Variants in SLC2A7 observed in about 807,000 individuals in gnomAD.
The protein encoded by SLC2A7 is solute carrier family 2, facilitated glucose transporter member 7.
Under a neutral mutation model 50.5 loss-of-function variants are expected in SLC2A7, and 50 were observed. The ratio of observed to expected loss-of-function variants is 0.99; its 90% CI spans 0.79 to 1.25. The LOEUF (loss-of-function observed/expected upper bound fraction) is 1.25. SLC2A7 is among the 50% of genes most tolerant of loss of function. SLC2A7 has a pLI of 0.00. For synonymous variants in SLC2A7, 308 were observed against 300.4 expected, an observed-to-expected ratio of 1.03 and a Z score of -0.26; for missense variants, 683 against 679.1, an observed-to-expected ratio of 1.01 and a Z score of -0.06.
chr1:9,009,376 A>G (rs956821639), intron 9 of SLC2A7, among the ~76,000 whole-genome samples: 2 of 152,192 alleles, frequency 1.3e-5, no homozygotes, highest in African/African-American at 4.8e-5. Context: ...ACAGGCTGAG[A>G]ACACTGCAAA....
chr1:9,010,254 A>G lies in SLC2A7; in HGVS notation c.1015-10T>C. The G allele has an allele frequency of 1.3e-6, 2 of 1,549,862 alleles. No individual in the cohort carries two copies. The highest frequency in any genetic ancestry group is 4.9e-5 in the East Asian group (2 of 40,908). The stretch of plus-strand genomic sequence containing the variant: ...GCTCCACAAGGACAGCCTGGAGGGG[A>G]AGGGGGACAGTGAGAAGCCGCCTTG... On this transcript the variant is annotated splice_polypyrimidine_tract_variant and intron_variant, in intron 8 of 11. Coordinates refer to ENST00000400906, the MANE Select transcript of SLC2A7 (RefSeq NM_207420.3).
intron 3 of SLC2A7, among the ~76,000 whole-genome samples, chr1:9,019,575 T>G (rs1640883394): frequency 6.6e-6 from 1 of 152,142 alleles, no homozygotes; most frequent in African/African-American, 2.4e-5. Flanking sequence ...TGTGGGGCCC[T>G]CACGATGGGA....
At chr1:8,994,978 C>T in the SLC2A7 span, among the ~76,000 whole-genome samples, 39 of 151,452 alleles carry the variant, frequency 2.6e-4, no homozygotes, top group African/African-American at 9.2e-4. Flanking sequence ...ACCATGTTGC[C>T]CAGGCTGGTC....
In SLC2A7 at chr1:9,010,179, A is replaced by G. The variant is rs1640725046; in HGVS notation, c.1080T>C (p.Ser360=). The G allele has an allele frequency of 1.3e-6, 2 of 1,550,742 alleles. No individual in the cohort carries two copies. The highest frequency in any genetic ancestry group is 2.7e-5 in the African/African-American group (2 of 73,044). The change falls in exon 9 of 12, where the codon TCT becomes TCC. Residue 360 remains serine (S), a synonymous_variant. Transcript: ENST00000400906. ...LLLAGYGICG[S]ACLVLTVVLL... The stretch of plus-strand genomic sequence containing the variant: ...GCACCACCGTCAGCACCAGGCAGGC[A>G]GAGCCGCAGATGCCGTAGCCGGCCA...
chr1:9,007,199 G>T, intron 10 of SLC2A7, 111 bp downstream of exon 10: 1 of 1,236,574 alleles, frequency 8.1e-7, no homozygotes, highest in Non-Finnish European at 1.2e-6. Context: ...GCGTGAGCAC[G>T]GGGACCAAGG....
At chr1:8,996,330 T>C in the SLC2A7 span, among the ~76,000 whole-genome samples, 1 of 152,250 alleles carries the variant, frequency 6.6e-6, no homozygotes, top group Non-Finnish European at 1.5e-5. Context: ...TTGAGATTCA[T>C]GCAGATTGCA....
rs559476677 is a variant in SLC2A7 at position 9,003,012 on chromosome 1, T to C, written c.*288A>G. Among the ~76,000 whole-genome samples the C allele has an allele frequency of 6.6e-6, 1 of 152,394 alleles. No homozygotes were observed. The highest frequency in any genetic ancestry group is 1.5e-5 in the Non-Finnish European group (1 of 68,034). ...AAGTTTTACTTTAAAAAAGTGCATC[T>C]ATACATCATTTAAATTTTGGTGCCA... On this transcript the variant is annotated 3_prime_UTR_variant, in exon 12 of 12. Coordinates refer to ENST00000400906, the MANE Select transcript of SLC2A7 (RefSeq NM_207420.3).
In SLC2A7 at chr1:9,026,367, G is replaced by T. The variant is rs781574352; in HGVS notation, c.-22C>A. On this transcript the variant is annotated 5_prime_UTR_variant, in exon 1 of 12. In the 5' UTR this introduces an upstream ATG that the reference lacks. Transcript: ENST00000400906. ...CCATCCTTGTTCAGGTGGGAGAACAGGTGTGCTCTACCTCCCAAGTGACAC... is the reference window on the plus strand; with the variant it reads ...CCATCCTTGTTCAGGTGGGAGAACATGTGTGCTCTACCTCCCAAGTGACAC... 1.9e-6 allele frequency: 3 copies of T among 1,592,042 alleles called. No individual in the cohort carries two copies. In the African/African-American group the frequency reaches 4.0e-5, roughly 21 times the overall value.
rs899508191 is a variant in SLC2A7 at position 9,026,350 on chromosome 1, G to A, written c.-5C>T. ...TCCCGCCTCTTTGTTCTCCATCCTTGTTCAGGTGGGAGAACAGGTGTGCTC... is the reference window on the plus strand; with the variant it reads ...TCCCGCCTCTTTGTTCTCCATCCTTATTCAGGTGGGAGAACAGGTGTGCTC... On this transcript the variant is annotated 5_prime_UTR_variant, in exon 1 of 12. Transcript: ENST00000400906. 3 of 1,603,542 alleles carry A rather than the reference G, an allele frequency of 1.9e-6. No individual in the cohort carries two copies. The highest frequency in any genetic ancestry group is 3.4e-5 in the Admixed American group (2 of 58,780).
rs945095531 is a variant in SLC2A7, at chr1:9,010,219, C to T, written c.1040G>A (p.Arg347Gln). 14 of 1,550,884 alleles carry T rather than the reference C, an allele frequency of 9.0e-6. No homozygotes were observed. The East Asian group carries it at 1.5e-4, about 16-fold the overall frequency. ...TSAVLVERLG[R>Q]RHLLLAGYGI... is the part of the protein sequence containing the mutation. Reference sequence around the variant, plus strand: ...GTAGCCGGCCAGCAGGAGGTGCCGCCGTCCCAGCCGCTCCACAAGGACAGC... The same window carrying T: ...GTAGCCGGCCAGCAGGAGGTGCCGCTGTCCCAGCCGCTCCACAAGGACAGC... The change falls in exon 9 of 12, where the codon CGG becomes CAG. Residue 347 changes from arginine (R) to glutamine (Q), a missense_variant. By Grantham distance (43) the Arg-to-Gln change is conservative (BLOSUM62 1). Transcript: ENST00000400906.
At chr1:9,015,032 G>T in intron 6 of SLC2A7, 85 bp downstream of exon 6, 1 of 1,568,146 alleles carries the variant, frequency 6.4e-7, no homozygotes, top group South Asian at 1.2e-5. Flanking sequence ...CCTGACCCAT[G>T]GCGACCCTGA....
chr1:9,019,484 T>C, intron 3 of SLC2A7, 151 bp from the exon 4 acceptor site: 2 of 1,147,072 alleles, frequency 1.7e-6, no homozygotes, highest in South Asian at 1.6e-5. Flanking sequence ...CTGAATGGTG[T>C]CCCCCAAATT....
At chr1:9,006,717 G>A (rs775604853) in intron 10 of SLC2A7, among the ~76,000 whole-genome samples, 1 of 152,226 alleles carries the variant, frequency 6.6e-6, no homozygotes, top group Non-Finnish European at 1.5e-5. Context: ...TTCAGGGAAT[G>A]TTATTAGAGT....
chr1:8,995,280 C>G, the SLC2A7 span, among the ~76,000 whole-genome samples: 1 of 151,366 alleles, frequency 6.6e-6, no homozygotes, highest in Non-Finnish European at 1.5e-5. Flanking sequence ...AACCCCGTCT[C>G]TACTAAAAAC....
At chr1:9,024,165 A>G (rs1462594328) in intron 2 of SLC2A7, among the ~76,000 whole-genome samples, 1 of 152,150 alleles carries the variant, frequency 6.6e-6, no homozygotes, top group Non-Finnish European at 1.5e-5. Flanking sequence ...CTCCCAGCCC[A>G]GGAAATATTT....
chr1:9,019,623 C>T (rs1388344555), intron 3 of SLC2A7, among the ~76,000 whole-genome samples: 2 of 152,076 alleles, frequency 1.3e-5, no homozygotes, highest in East Asian at 3.9e-4. Flanking sequence ...TCTTTTTCTG[C>T]CCCGTGAAGA....
downstream of SLC2A7, among the ~76,000 whole-genome samples, chr1:8,998,704 G>A (rs1640539302): frequency 6.6e-6 from 1 of 152,032 alleles, no homozygotes; most frequent in Admixed American, 6.6e-5. Context: ...AAAACAGCCT[G>A]CTGGAATTTT....
intron 8 of SLC2A7, among the ~76,000 whole-genome samples, chr1:9,011,816 C>A (rs765750780): frequency 1.4e-5 from 2 of 147,870 alleles, no homozygotes; most frequent in Admixed American, 6.8e-5. Flanking sequence ...GTGGTGCAAC[C>A]GTGGCTCACT....
the SLC2A7 span, among the ~76,000 whole-genome samples, chr1:8,993,731 G>A: frequency 4.1e-4 from 63 of 152,292 alleles, no homozygotes; most frequent in East Asian, 8.3e-3. Flanking sequence ...AGGTTCAAGC[G>A]ATTCGCCTGC....
Sources: allele counts gnomAD v4.1 joint callset (sites outside exome capture counted in the v4.1 genomes callset), GRCh38; gene constraint gnomAD v4.1.1; transcripts MANE v1.5; gene names NCBI Gene and HGNC (gene_info 2026-07-23, HGNC 2026-07-21).